FHIT: variants seen among roughly 807,000 people sequenced by gnomAD.
FHIT encodes bis(5'-adenosyl)-triphosphatase.
Under a neutral mutation model 17.9 loss-of-function variants are expected in FHIT, and 19 were observed. The observed-to-expected ratio is 1.06, with a 90% confidence interval of 0.74 to 1.56. The LOEUF (loss-of-function observed/expected upper bound fraction) is 1.56, where lower values mean the gene tolerates loss of function less well. Ranked by LOEUF, FHIT falls within the 40% of genes most tolerant of loss-of-function variation. The pLI is 0.00. For synonymous variants in FHIT, 81 were observed against 69.7 expected (o/e 1.16, Z -0.81); for missense variants, 248 against 189.2 (o/e 1.31, Z -1.82).
intron 1 of FHIT, among the ~76,000 whole-genome samples, chr3:61,237,222 C>T (rs751460572): frequency 6.6e-6 from 1 of 152,074 alleles, no homozygotes; most frequent in South Asian, 2.1e-4. Context: ...TTATGTAATC[C>T]TTGAAATACA....
chr3:59,818,306 C>T (rs1473809372), intron 8 of FHIT, among the ~76,000 whole-genome samples: 2 of 152,008 alleles, frequency 1.3e-5, no homozygotes, highest in Admixed American at 6.5e-5. Context: ...TCAGCCTCCC[C>T]GAGAACACAG....
intron 8 of FHIT, among the ~76,000 whole-genome samples, chr3:59,850,139 G>A (rs1055281991): frequency 6.6e-6 from 1 of 152,194 alleles, no homozygotes; most frequent in Non-Finnish European, 1.5e-5. Flanking sequence ...TCCCTAGAGG[G>A]AGAAGGTCTT....
chr3:60,337,565 T>G (rs1710304188), intron 5 of FHIT, among the ~76,000 whole-genome samples: 1 of 152,162 alleles, frequency 6.6e-6, no homozygotes, highest in East Asian at 1.9e-4. Context: ...ATAACTTAAG[T>G]GACAAAACCA....
intron 5 of FHIT, among the ~76,000 whole-genome samples, chr3:60,085,928 G>A (rs1047216468): frequency 6.6e-6 from 1 of 152,160 alleles, no homozygotes; most frequent in African/African-American, 2.4e-5. Context: ...GATATGATCA[G>A]TCTTAGTCCA....
At chr3:60,961,820 T>C (rs558275351) in intron 3 of FHIT, among the ~76,000 whole-genome samples, 1 of 152,372 alleles carries the variant, frequency 6.6e-6, no homozygotes, top group South Asian at 2.1e-4. Context: ...CATGCTGTTT[T>C]GGTTACTGTA....
chr3:59,754,593 C>A (rs983410036), intron 8 of FHIT, among the ~76,000 whole-genome samples: 17 of 152,116 alleles, frequency 1.1e-4, no homozygotes, highest in African/African-American at 4.1e-4. Context: ...TTGGAAGACA[C>A]AGAAATAAAG....
intron 3 of FHIT, among the ~76,000 whole-genome samples, chr3:60,936,613 A>AT (rs1708200975): frequency 1.3e-5 from 2 of 152,202 alleles, no homozygotes; most frequent in South Asian, 2.1e-4. Flanking sequence ...CTATCTTTTG[A>AT]TTTTTTATAA....
intron 5 of FHIT, among the ~76,000 whole-genome samples, chr3:60,157,013 TC>T (rs1700729199): frequency 1.3e-5 from 2 of 152,148 alleles, no homozygotes; most frequent in South Asian, 2.1e-4. Flanking sequence ...TAAATAACTA[TC>T]CCTTACTGGA....
intron 5 of FHIT, among the ~76,000 whole-genome samples, chr3:60,219,300 G>C (rs1703848661): frequency 6.6e-6 from 1 of 152,074 alleles, no homozygotes; most frequent in African/African-American, 2.4e-5. Flanking sequence ...GAAAGCTAAT[G>C]CTGTGAAATC....
At chr3:60,090,047 C>T (rs963174337) in intron 5 of FHIT, among the ~76,000 whole-genome samples, 1 of 152,054 alleles carries the variant, frequency 6.6e-6, no homozygotes, top group Non-Finnish European at 1.5e-5. Flanking sequence ...ATTCTTAATT[C>T]CTAATACAAA....
intron 1 of FHIT, among the ~76,000 whole-genome samples, chr3:61,207,754 C>T (rs1369244346): frequency 6.6e-6 from 1 of 152,074 alleles, no homozygotes; most frequent in Non-Finnish European, 1.5e-5. Context: ...TTTTGTTGAT[C>T]TTTTCAAAAA....
chr3:60,149,985 CCTTTTTTTTTTTTTTTT>C (rs1378330711), intron 5 of FHIT, among the ~76,000 whole-genome samples: 1 of 50,934 alleles, frequency 2.0e-5, no homozygotes, highest in East Asian at 5.2e-4. Flanking sequence ...AACCTTTAAG[CCTTTTTTTTTTTTTTTT>C]TTTTTTTTGG....
At chr3:60,203,414 C>T (rs1169255857) in intron 5 of FHIT, among the ~76,000 whole-genome samples, 1 of 152,138 alleles carries the variant, frequency 6.6e-6, no homozygotes, top group Admixed American at 6.5e-5. Context: ...GCATGTAAGT[C>T]ACCAGTATTC....
intron 5 of FHIT, among the ~76,000 whole-genome samples, chr3:60,280,019 G>A (rs140172478): frequency 1.8e-3 from 239 of 131,044 alleles, no homozygotes; most frequent in African/African-American, 6.5e-3. Context: ...GTGACAGAAC[G>A]AGACTCTGTC....
At chr3:60,246,560 C>G (rs1705406407) in intron 5 of FHIT, among the ~76,000 whole-genome samples, 2 of 152,102 alleles carry the variant, frequency 1.3e-5, no homozygotes, top group South Asian at 4.1e-4. Flanking sequence ...AGCCACATCT[C>G]TGCCTGGTGC....
rs563992034 is a variant in FHIT at position 60,150,591 on chromosome 3, A to G, written c.104-136439T>C. Among the ~76,000 whole-genome samples, 278 of 152,310 alleles carry G rather than the reference A, an allele frequency of 1.8e-3. 3 individuals carry two copies. Among genetic ancestry groups the G allele is most frequent in the Non-Finnish European group, 2.6e-3 (174 of 68,026 alleles). On this transcript the variant is annotated intron_variant, in intron 5 of 9. Coordinates refer to ENST00000492590, the MANE Select transcript of FHIT (RefSeq NM_002012.4). ...CCCACCTCAGTCTCGAAAGTCGCTG[A>G]GACTATAGGTGTGCACCTTAATTAT... is the stretch of plus-strand genomic sequence containing the variant.
At chr3:60,267,642 C>T (rs1576394333) in intron 5 of FHIT, among the ~76,000 whole-genome samples, 2 of 152,076 alleles carry the variant, frequency 1.3e-5, no homozygotes, top group African/African-American at 2.4e-5. Flanking sequence ...TATGACCGTT[C>T]TTCCACACTT....
chr3:61,125,155 A>G (rs2036571801), intron 2 of FHIT, among the ~76,000 whole-genome samples: 1 of 152,232 alleles, frequency 6.6e-6, no homozygotes, highest in South Asian at 2.1e-4. Flanking sequence ...AGAATGGTTT[A>G]CACGCAGGAA....
chr3:60,660,937 T>C (rs1460002862), intron 4 of FHIT, among the ~76,000 whole-genome samples: 2 of 151,894 alleles, frequency 1.3e-5, no homozygotes, highest in African/African-American at 2.4e-5. Flanking sequence ...TCATTCCTTG[T>C]AGTTGGGCTT....
Sources: gnomAD v4.1 joint callset for allele counts (sites outside exome capture counted in the v4.1 genomes callset) on GRCh38, gnomAD v4.1.1 for gene constraint, MANE v1.5 for transcripts, NCBI Gene and HGNC (gene_info 2026-07-23, HGNC 2026-07-21) for gene names.